SERINC5: variants seen among roughly 807,000 people sequenced by gnomAD.
SERINC5 encodes chromosome 5 open reading frame 12.
SERINC5 carries 41 observed loss-of-function variants against 63.1 expected under a neutral mutation model. The observed-to-expected ratio is 0.65, with a 90% CI of 0.51 to 0.84. The LOEUF is 0.84. SERINC5 is among the 40% of genes least tolerant of loss of function. The pLI is 0.00. For missense variants in SERINC5, 523 were observed against 573.0 expected (o/e 0.91, Z 0.89); for synonymous variants, 222 against 215.2 (o/e 1.03, Z -0.28).
chr5:80,255,458 G>C (rs1188120980), intron 1 of SERINC5, among the ~76,000 whole-genome samples: 1 of 152,158 alleles, frequency 6.6e-6, no homozygotes, highest in Non-Finnish European at 1.5e-5. Flanking sequence ...TGGGTTGTTT[G>C]ACCCGAGTTT....
chr5:80,223,638 T>G (rs1751022582), intron 1 of SERINC5, among the ~76,000 whole-genome samples: 1 of 152,044 alleles, frequency 6.6e-6, no homozygotes, highest in African/African-American at 2.4e-5. Flanking sequence ...AGTTCGAGGG[T>G]CAAAGTTCTA....
At position 80,211,334 on chromosome 5, in the gene SERINC5, A is replaced by G. The variant is rs190626931; in HGVS notation, c.28-8281T>C. Among the ~76,000 whole-genome samples, 134 of 152,272 alleles carry G rather than the reference A, an allele frequency of 8.8e-4. 1 individual carries two copies. Among genetic ancestry groups the G allele is most frequent in the Admixed American group, 1.7e-3 (26 of 15,300 alleles). On this transcript the variant is annotated intron_variant, in intron 1 of 11. Transcript: ENST00000507668. ...CTGACCGAGTGCAGCCCTCCAGAAG[A>G]ATGCCCTGAAGATGATCAGCAGCAC...
downstream of SERINC5, among the ~76,000 whole-genome samples, chr5:80,136,649 CAA>C (rs1314058722): frequency 2.6e-5 from 4 of 152,282 alleles, no homozygotes; most frequent in Non-Finnish European, 4.4e-5. Flanking sequence ...AAGGAAACCA[CAA>C]AGTTAGGAGA....
intron 8 of SERINC5, among the ~76,000 whole-genome samples, chr5:80,152,810 C>G (rs975030364): frequency 5.9e-5 from 9 of 152,046 alleles, no homozygotes; most frequent in African/African-American, 2.2e-4. Context: ...GTGTGGTGGC[C>G]GGCAGCTGTA....
intron 12 of SERINC5, among the ~76,000 whole-genome samples, chr5:80,112,113 G>A (rs932426361): frequency 3.3e-5 from 5 of 152,140 alleles, no homozygotes; most frequent in Admixed American, 6.5e-5. Flanking sequence ...AGACCTGACC[G>A]TCCCCCAGCC....
intron 1 of SERINC5, among the ~76,000 whole-genome samples, chr5:80,252,455 C>T (rs16877662): frequency 0.31 from 47,221 of 152,020 alleles, 7,956 homozygotes; most frequent in East Asian, 0.56. Flanking sequence ...TGTTCATTAC[C>T]GTGTCTCTAG....
intron 1 of SERINC5, among the ~76,000 whole-genome samples, chr5:80,243,547 TAA>T (rs563631448): frequency 6.7e-6 from 1 of 148,872 alleles, no homozygotes; most frequent in Non-Finnish European, 1.5e-5. Context: ...GATGGGTCAT[TAA>T]AAAAAAACAG....
intron 4 of SERINC5, among the ~76,000 whole-genome samples, chr5:80,176,750 T>C (rs528100695): frequency 3.3e-5 from 5 of 152,316 alleles, no homozygotes; most frequent in Non-Finnish European, 5.9e-5. Context: ...ATGTTTTTAA[T>C]ACCTTACTTA....
At chr5:80,159,076 G>A in intron 7 of SERINC5, 114 bp from the exon 8 acceptor site, 1 of 999,654 alleles carries the variant, frequency 1.0e-6, no homozygotes, top group Non-Finnish European at 1.5e-6. Context: ...TTAGAACAGT[G>A]AACACTTATC....
intron 1 of SERINC5, among the ~76,000 whole-genome samples, chr5:80,231,954 T>C (rs531173028): frequency 1.3e-5 from 2 of 151,600 alleles, no homozygotes; most frequent in South Asian, 2.1e-4. Context: ...CCAAAAAAGT[T>C]AGCCAAGCAT....
chr5:80,169,562 G>C lies in SERINC5; in HGVS notation c.552-16C>G. The C allele has an allele frequency of 6.3e-7, 1 of 1,599,178 alleles. No homozygotes were observed. On this transcript the variant is annotated splice_polypyrimidine_tract_variant and intron_variant, in intron 5 of 11. Transcript: ENST00000507668. ...GCCTGCTGTCCTGTTTCTCCGGGAA[G>C]TGGGTAAGAGGGAGAGGAGAGAAGA... is the stretch of plus-strand genomic sequence containing the variant.
chr5:80,118,253 A>G (rs1220736114), intron 11 of SERINC5, among the ~76,000 whole-genome samples: 1 of 152,158 alleles, frequency 6.6e-6, no homozygotes, highest in Non-Finnish European at 1.5e-5. Context: ...ATCTCCTCAA[A>G]TCAAGATCCC....
intron 1 of SERINC5, among the ~76,000 whole-genome samples, chr5:80,232,224 A>G (rs192368977): frequency 0.042 from 6,237 of 146,918 alleles, 196 homozygotes; most frequent in Non-Finnish European, 0.053. Context: ...CTAACACCGT[A>G]AAACCCTGTC....
Position 80,140,060 on chromosome 5 carries a change from T to G in SERINC5, c.*3603A>C, listed in dbSNP as rs1189555304. ...AAGGCAGAGGGTAGGCTGCGTGCAG[T>G]GGTTTACGCCTATAATCCCAGCACT... On this transcript the variant is annotated 3_prime_UTR_variant, in exon 12 of 12. Coordinates refer to ENST00000507668, the MANE Select transcript of SERINC5 (RefSeq NM_001174072.3). 3 of 984,736 alleles carry G rather than the reference T, an allele frequency of 3.0e-6. No individual in the cohort carries two copies. Among genetic ancestry groups the G allele is most frequent in the Non-Finnish European group, 3.6e-6 (3 of 829,498 alleles). The allele number at this position is 984,736 out of a possible 1,614,324, so 61.0% of individuals were successfully genotyped here.
intron 11 of SERINC5, among the ~76,000 whole-genome samples, chr5:80,124,660 C>T (rs1401903315): frequency 6.6e-6 from 1 of 152,166 alleles, no homozygotes; most frequent in African/African-American, 2.4e-5. Context: ...GAAATCTTGT[C>T]TTCTTGCAAA....
chr5:80,241,428 C>G (rs1225463450), intron 1 of SERINC5, among the ~76,000 whole-genome samples: 1 of 152,088 alleles, frequency 6.6e-6, no homozygotes, highest in Non-Finnish European at 1.5e-5. Flanking sequence ...AAAATCGCGC[C>G]ACTGCACTTC....
chr5:80,215,466 T>G (rs979174713), intron 1 of SERINC5, among the ~76,000 whole-genome samples: 2 of 152,222 alleles, frequency 1.3e-5, no homozygotes, highest in African/African-American at 4.8e-5. Flanking sequence ...TTTATAGTAA[T>G]GCAAGAACAG....
chr5:80,126,917 T>C (rs11954285), intron 11 of SERINC5, among the ~76,000 whole-genome samples: 14 of 152,280 alleles, frequency 9.2e-5, no homozygotes, highest in African/African-American at 3.4e-4. Context: ...TAATTAAAAA[T>C]TGTTAATTTG....
chr5:80,186,225 C>T (rs1748796412), intron 2 of SERINC5, among the ~76,000 whole-genome samples: 1 of 151,834 alleles, frequency 6.6e-6, no homozygotes, highest in Non-Finnish European at 1.5e-5. Flanking sequence ...CAACCTCTGC[C>T]TCCCAGGTTC....
Sources: gnomAD v4.1 joint callset for allele counts (sites outside exome capture counted in the v4.1 genomes callset) on GRCh38, gnomAD v4.1.1 for gene constraint, MANE v1.5 for transcripts, NCBI Gene and HGNC (gene_info 2026-07-23, HGNC 2026-07-21) for gene names.